The following B3GALT5 variants were observed in gnomAD, a reference collection of about 807,000 sequenced individuals.
The protein encoded by B3GALT5 is UDP-Gal:betaGlcNAc beta 1,3-galactosyltransferase, polypeptide 5.
For missense variants in B3GALT5, 328 were observed against 396.6 expected (o/e 0.83, Z 1.47); for synonymous variants, 156 against 158.6 (o/e 0.98, Z 0.12).
At chr21:39,636,534 A>G (rs2079228854) in intron 1 of B3GALT5, among the ~76,000 whole-genome samples, 2 of 152,268 alleles carry the variant, frequency 1.3e-5, no homozygotes, top group East Asian at 3.9e-4. Context: ...CTGGCCAACA[A>G]GGCAGCCCCA....
chr21:39,626,963 G>C (rs529160784), intron 1 of B3GALT5, among the ~76,000 whole-genome samples: 1 of 152,196 alleles, frequency 6.6e-6, no homozygotes, highest in Admixed American at 6.5e-5. Flanking sequence ...CCTGTTCTCA[G>C]GCTGGACCTA....
At chr21:39,646,263 T>C (rs999423817) in intron 1 of B3GALT5, 129 bp from the exon 2 acceptor site, 3 of 152,062 alleles carry the variant, frequency 2.0e-5, no homozygotes, top group African/African-American at 7.2e-5. Context: ...ACAGCACGGG[T>C]GAAACTCTTG....
chr21:39,672,029 CTT>C lies in B3GALT5; in HGVS notation c.*10540_*10541del. The C allele has an allele frequency of 6.6e-6, 1 of 152,364 alleles. No homozygotes were observed. The highest frequency in any genetic ancestry group is 3.4e-3 in the Middle Eastern group (1 of 294). 9.4% of individuals were successfully genotyped at this position (152,364 alleles called of 1,614,324 possible). On this transcript the variant is annotated 3_prime_UTR_variant, in exon 4 of 4. Coordinates refer to ENST00000684187, the MANE Select transcript of B3GALT5 (RefSeq NM_001356336.2). Reference sequence around the variant, plus strand: ...TCTTCCTACTTATCAGACACAATCACTTTTAAATATGAGCAGAAAAACGAACT... The same window carrying C: ...TCTTCCTACTTATCAGACACAATCACTTAAATATGAGCAGAAAAACGAACT...
intron 1 of B3GALT5, among the ~76,000 whole-genome samples, chr21:39,617,595 C>T (rs963109127): frequency 1.3e-5 from 2 of 152,140 alleles, no homozygotes; most frequent in South Asian, 2.1e-4. Context: ...TTCCCTCCCT[C>T]GACACTTGAG....
chr21:39,642,268 A>G (rs1344386003), intron 1 of B3GALT5, among the ~76,000 whole-genome samples: 1 of 152,274 alleles, frequency 6.6e-6, no homozygotes, highest in East Asian at 1.9e-4. Flanking sequence ...AGAGATGTTC[A>G]TAAAATAGTG....
At chr21:39,617,460 G>A (rs573462687) in intron 1 of B3GALT5, among the ~76,000 whole-genome samples, 24 of 152,296 alleles carry the variant, frequency 1.6e-4, no homozygotes, top group African/African-American at 5.8e-4. Context: ...CATGGCCTGA[G>A]AGAGCAAGTG....
At chr21:39,647,755 G>A (rs544997015) in intron 2 of B3GALT5, among the ~76,000 whole-genome samples, 2 of 152,174 alleles carry the variant, frequency 1.3e-5, no homozygotes, top group Admixed American at 1.3e-4. Context: ...AAGCAGCCTA[G>A]AGTCTATGGC....
intron 1 of B3GALT5, among the ~76,000 whole-genome samples, chr21:39,636,081 G>A (rs1385511601): frequency 1.3e-5 from 2 of 152,206 alleles, no homozygotes; most frequent in East Asian, 3.8e-4. Flanking sequence ...AACCACAGAA[G>A]TTAAGTACTG....
chr21:39,617,812 T>A (rs994448250), intron 1 of B3GALT5, among the ~76,000 whole-genome samples: 3 of 152,098 alleles, frequency 2.0e-5, no homozygotes, highest in Non-Finnish European at 4.4e-5. Flanking sequence ...CCAAGACAAT[T>A]CTTCTTCTAA....
At chr21:39,650,988 C>T (rs62222843) in intron 2 of B3GALT5, among the ~76,000 whole-genome samples, 1 of 151,884 alleles carries the variant, frequency 6.6e-6, no homozygotes. Context: ...AAAAAAAAAC[C>T]TTCTTCTAGA....
intron 1 of B3GALT5, among the ~76,000 whole-genome samples, chr21:39,638,690 A>T (rs545533024): frequency 6.6e-6 from 1 of 152,260 alleles, no homozygotes; most frequent in East Asian, 1.9e-4. Context: ...TGGCTAAACT[A>T]AAAGAACACC....
At chr21:39,639,392 T>TTCCTTCCTTCTTTC (rs1569212321) in intron 1 of B3GALT5, among the ~76,000 whole-genome samples, 3 of 87,002 alleles carry the variant, frequency 3.4e-5, no homozygotes, top group Non-Finnish European at 7.3e-5. Flanking sequence ...CCTTCCTTCC[T>TTCCTTCCTTCTTTC]TCTTTCTTTT....
rs1195109724 is a variant in B3GALT5 at position 39,622,191 on chromosome 21, T to C, written c.-392+9124T>C. ...AAACACACATTTTTCTCCAGTATGT[T>C]TTTATTGTTGATTTTTAATCCCCAT... On this transcript the variant is annotated intron_variant, in intron 1 of 3. Coordinates refer to ENST00000684187, the MANE Select transcript of B3GALT5 (RefSeq NM_001356336.2). Among the ~76,000 whole-genome samples the C allele has an allele frequency of 2.6e-5, 4 of 152,238 alleles. No individual in the cohort carries two copies. The East Asian group carries it at 7.7e-4, about 29-fold the overall frequency.
intron 2 of B3GALT5, among the ~76,000 whole-genome samples, chr21:39,649,811 AAC>A (rs1252745592): frequency 6.6e-6 from 1 of 152,144 alleles, no homozygotes; most frequent in African/African-American, 2.4e-5. Flanking sequence ...GAAGACAAGG[AAC>A]TGATCAGATA....
rs1160437842 is a variant in B3GALT5 at position 39,666,084 on chromosome 21, C to T, written c.*4592C>T. On this transcript the variant is annotated 3_prime_UTR_variant, in exon 4 of 4. Coordinates refer to ENST00000684187, the MANE Select transcript of B3GALT5 (RefSeq NM_001356336.2). ...AAATATTTTTCAAAGTAAGCCAACA[C>T]TGTGGTTTCACTTGAGTCAGTAAGT... 6.6e-6 allele frequency: 1 copy of T among 152,286 alleles called. No individual in the cohort carries two copies. Among genetic ancestry groups the T allele is most frequent in the East Asian group, 1.9e-4 (1 of 5,196 alleles). The allele number at this position is 152,286 out of a possible 1,614,324, so 9.4% of individuals were successfully genotyped here.
chr21:39,624,489 G>T (rs1377005128), intron 1 of B3GALT5, among the ~76,000 whole-genome samples: 1 of 152,208 alleles, frequency 6.6e-6, no homozygotes, highest in Non-Finnish European at 1.5e-5. Flanking sequence ...CAATGGCTTG[G>T]TTTTGTAGGG....
At chr21:39,632,330 A>G (rs2079197428) in intron 1 of B3GALT5, among the ~76,000 whole-genome samples, 1 of 152,148 alleles carries the variant, frequency 6.6e-6, no homozygotes, top group Non-Finnish European at 1.5e-5. Flanking sequence ...CAAGTAGGCT[A>G]TTGGTGACCT....
rs1429021979 is a variant in B3GALT5 at position 39,651,040 on chromosome 21, G to A, written c.-161+4418G>A. 8.6e-5 allele frequency among the ~76,000 whole-genome samples: 13 copies of A among 151,980 alleles called. No homozygotes were observed. In the East Asian group the frequency reaches 2.3e-3, roughly 27 times the overall value. On this transcript the variant is annotated intron_variant, in intron 2 of 3. Coordinates refer to ENST00000684187, the MANE Select transcript of B3GALT5 (RefSeq NM_001356336.2). Reference sequence around the variant, plus strand: ...TCACCGTGATGTCTTCCCCTGAATCGGTGCCATCGTGGTTTTGAAGTGTGA... The same window carrying A: ...TCACCGTGATGTCTTCCCCTGAATCAGTGCCATCGTGGTTTTGAAGTGTGA...
intron 1 of B3GALT5, among the ~76,000 whole-genome samples, chr21:39,618,925 T>A (rs1386907410): frequency 6.6e-6 from 1 of 152,236 alleles, no homozygotes; most frequent in East Asian, 1.9e-4. Flanking sequence ...GTTTTGCTTT[T>A]CACATTTAGG....
Sources: allele counts gnomAD v4.1 joint callset (sites outside exome capture counted in the v4.1 genomes callset), GRCh38; gene constraint gnomAD v4.1.1; transcripts MANE v1.5; gene names NCBI Gene and HGNC (gene_info 2026-07-23, HGNC 2026-07-21).